The following ELMO1 variants were observed in gnomAD, a reference collection of about 807,000 sequenced individuals.
The protein encoded by ELMO1 is engulfment and cell motility 1.
In ELMO1, 26 loss-of-function variants were observed where a neutral mutation model predicts 98.9. The ratio of observed to expected loss-of-function variants is 0.26; its 90% CI spans 0.19 to 0.36. The LOEUF is 0.36. Among genes scored for constraint, ELMO1 ranks in the 10% least tolerant of loss-of-function variants. The pLI is 1.00. For synonymous variants in ELMO1, 346 were observed against 346.0 expected (o/e 1.00, Z 0.00); for missense variants, 627 against 935.2 (o/e 0.67, Z 4.30).
chr7:37,259,089 A>T (rs1795843126), intron 6 of ELMO1, 92 bp downstream of exon 6: 1 of 1,411,930 alleles, frequency 7.1e-7, no homozygotes, highest in South Asian at 1.6e-5. Flanking sequence ...TCTGGTCTTT[A>T]AAACAGAGTT....
chr7:37,362,235 A>ATAT (rs369021694), intron 1 of ELMO1, among the ~76,000 whole-genome samples: 36,854 of 149,534 alleles, frequency 0.25, 4,898 homozygotes, highest in East Asian at 0.57. Flanking sequence ...TATATATATA[A>ATAT]TTTCTCCGTT....
At chr7:37,076,646 A>G (rs901837090) in intron 15 of ELMO1, among the ~76,000 whole-genome samples, 4 of 152,224 alleles carry the variant, frequency 2.6e-5, no homozygotes, top group Non-Finnish European at 4.4e-5. Flanking sequence ...AGGGGCAGCA[A>G]AGAATCTGGG....
chr7:37,169,171 G>A (rs764775629), intron 13 of ELMO1, among the ~76,000 whole-genome samples: 8 of 152,154 alleles, frequency 5.3e-5, no homozygotes, highest in Non-Finnish European at 8.8e-5. Context: ...CTCCTGGTGC[G>A]CCGTTTTTTA....
chr7:37,000,973 A>G (rs1792628817), intron 16 of ELMO1, among the ~76,000 whole-genome samples: 1 of 151,010 alleles, frequency 6.6e-6, no homozygotes, highest in African/African-American at 2.5e-5. Context: ...ACGTTTTTTA[A>G]CAAGGAGTTC....
intron 15 of ELMO1, among the ~76,000 whole-genome samples, chr7:37,043,527 T>C (rs1795639455): frequency 6.6e-6 from 1 of 152,136 alleles, no homozygotes; most frequent in African/African-American, 2.4e-5. Flanking sequence ...GCCGTATGAA[T>C]GGATGCCTAC....
Position 37,342,800 on chromosome 7 carries a change from T to C in ELMO1, c.-73-37A>G, listed in dbSNP as rs1007325824. On this transcript the variant is annotated intron_variant, in intron 1 of 21. Transcript: ENST00000310758. This position sits in a 1 kb window ranked among gnomAD's most constrained non-coding sequence, Gnocchi z 4.3. ...TGACAGAAAAAGAAAGAGAAGTCAC[T>C]CAGTGCAGATGCAGGGTGAATTTTG... is the stretch of plus-strand genomic sequence containing the variant. 1 of 1,003,762 alleles carries C rather than the reference T, an allele frequency of 1.0e-6. No individual in the cohort carries two copies. The highest frequency in any genetic ancestry group is 1.5e-6 in the Non-Finnish European group (1 of 672,386). The allele number at this position is 1,003,762 out of a possible 1,614,324, so 62.2% of individuals were successfully genotyped here. A position where few individuals can be genotyped will look rare whatever the true frequency, so the allele number is the denominator to read the frequency against.
At chr7:37,334,305 G>T (rs1800279398) in intron 2 of ELMO1, among the ~76,000 whole-genome samples, 1 of 152,066 alleles carries the variant, frequency 6.6e-6, no homozygotes. Flanking sequence ...AATTAGCCAG[G>T]CATGGTGGCG....
intron 15 of ELMO1, among the ~76,000 whole-genome samples, chr7:37,093,749 C>T (rs1784240477): frequency 6.6e-6 from 1 of 152,138 alleles, no homozygotes; most frequent in Admixed American, 6.5e-5. Context: ...AAGTAACAAT[C>T]CTTAATATTT....
At chr7:37,385,929 C>T (rs6969274) in intron 1 of ELMO1, among the ~76,000 whole-genome samples, 40,021 of 152,166 alleles carry the variant, frequency 0.26, 5,999 homozygotes, top group Admixed American at 0.33. Flanking sequence ...CCTAGTGTTA[C>T]GTGCTCCACA....
At chr7:36,914,185 C>T (rs1562819653) in intron 16 of ELMO1, among the ~76,000 whole-genome samples, 1 of 152,176 alleles carries the variant, frequency 6.6e-6, no homozygotes, top group Non-Finnish European at 1.5e-5. Flanking sequence ...ATGAATCCTG[C>T]CTCCTTGATA....
intron 16 of ELMO1, among the ~76,000 whole-genome samples, chr7:36,906,142 G>C (rs997441054): frequency 6.6e-6 from 1 of 152,126 alleles, no homozygotes; most frequent in South Asian, 2.1e-4. Flanking sequence ...AGAGGAAATC[G>C]AAGACCACTC....
intron 16 of ELMO1, among the ~76,000 whole-genome samples, chr7:36,953,895 G>A (rs1788220846): frequency 2.3e-5 from 3 of 128,104 alleles, no homozygotes; most frequent in South Asian, 5.0e-4. Flanking sequence ...GTGTGTGTGT[G>A]TATTAGTCAT....
At chr7:37,178,253 G>T (rs1790609951) in intron 13 of ELMO1, among the ~76,000 whole-genome samples, 1 of 151,882 alleles carries the variant, frequency 6.6e-6, no homozygotes, top group African/African-American at 2.4e-5. Context: ...CACTACAACA[G>T]GCAAGGAGAG....
Position 37,314,777 on chromosome 7 carries a change from G to A in ELMO1, c.192+73C>T, listed in dbSNP as rs563949802. The A allele has an allele frequency of 4.0e-5, 58 of 1,456,710 alleles. No homozygotes were observed. The African/African-American group carries it at 5.9e-4, about 15-fold the overall frequency. 90.2% of individuals were successfully genotyped at this position (1,456,710 alleles called of 1,614,324 possible). On this transcript the variant is annotated intron_variant, in intron 4 of 21. Transcript: ENST00000310758. ...AATTTAGACCTGCATGTCTAGGCCC[G>A]AACAAAGAAAACATCATCATGATTT...
At position 36,957,510 on chromosome 7, in the gene ELMO1, T is replaced by C. The variant is rs114302126; in HGVS notation, c.1437+55789A>G. ...ATCATCATTCTTAGTAACTTCAATA[T>C]CCTCACAGATGATCTACCCAATACC... On this transcript the variant is annotated intron_variant, in intron 16 of 21. Coordinates refer to ENST00000310758, the MANE Select transcript of ELMO1 (RefSeq NM_014800.11). Among the ~76,000 whole-genome samples, 929 of 152,276 alleles carry C rather than the reference T, an allele frequency of 6.1e-3. 3 individuals carry two copies. The highest frequency in any genetic ancestry group is 0.021 in the African/African-American group (878 of 41,546).
chr7:36,884,509 A>G (rs752650082), intron 18 of ELMO1, among the ~76,000 whole-genome samples: 1 of 152,158 alleles, frequency 6.6e-6, no homozygotes, highest in Non-Finnish European at 1.5e-5. Flanking sequence ...GCACAAAGAC[A>G]TTGAGCAGAT....
chr7:36,904,798 G>T lies in ELMO1; in HGVS notation c.1438-9781C>A, dbSNP rs139864009. 1.4e-4 allele frequency among the ~76,000 whole-genome samples: 21 copies of T among 152,284 alleles called. 1 individual carries two copies. The highest frequency in any genetic ancestry group is 4.8e-4 in the African/African-American group (20 of 41,562). ...AGAAAAGGTGAGGTTTGGGGTCGTC[G>T]CTTTCTCTTTGCAGTCTGCTCTTGA... On this transcript the variant is annotated intron_variant, in intron 16 of 21. Coordinates refer to ENST00000310758, the MANE Select transcript of ELMO1 (RefSeq NM_014800.11).
chr7:37,144,032 A>G (rs1214233490), intron 13 of ELMO1, among the ~76,000 whole-genome samples: 1 of 152,006 alleles, frequency 6.6e-6, no homozygotes, highest in Non-Finnish European at 1.5e-5. Flanking sequence ...TAAAAGTTAT[A>G]ATTTCTCCAC....
intron 2 of ELMO1, among the ~76,000 whole-genome samples, chr7:37,323,907 TACTAA>T (rs1386684331): frequency 6.6e-6 from 1 of 152,164 alleles, no homozygotes; most frequent in Non-Finnish European, 1.5e-5. Context: ...CTTTCTTTCT[TACTAA>T]ACAATTCTCT....
Sources: allele counts gnomAD v4.1 joint callset (sites outside exome capture counted in the v4.1 genomes callset), GRCh38; gene constraint gnomAD v4.1.1; non-coding constraint Gnocchi (gnomAD v3.1); transcripts MANE v1.5; gene names NCBI Gene and HGNC (gene_info 2026-07-23, HGNC 2026-07-21).